OR10A2: variants seen among roughly 807,000 people sequenced by gnomAD.
OR10A2 encodes the protein olfactory receptor 10A2.
Under a neutral mutation model 13.7 loss-of-function variants are expected in OR10A2, and 15 were observed. The observed-to-expected ratio is 1.10, with a 90% CI of 0.73 to 1.69. The LOEUF (loss-of-function observed/expected upper bound fraction) is 1.69, where lower values mean the gene tolerates loss of function less well. OR10A2 is among the 40% of genes most tolerant of loss of function. The probability of loss-of-function intolerance (pLI) is 0.00; values close to 1 mark genes in which losing one functional copy is unlikely to be tolerated. For missense variants in OR10A2, 343 were observed against 361.1 expected (o/e 0.95, Z 0.41); for synonymous variants, 145 against 144.7 (o/e 1.00, Z -0.02).
chr11:6,869,474 G>C, intron 1 of OR10A2, 149 bp from the exon 2 acceptor site: 1 of 439,978 alleles, frequency 2.3e-6, no homozygotes, highest in Non-Finnish European at 4.1e-6. Context: ...AATAACTTAA[G>C]GTGTGAACAG....
chr11:6,868,649 C>T (rs112137650), intron 1 of OR10A2, among the ~76,000 whole-genome samples: 192 of 150,640 alleles, frequency 1.3e-3, no homozygotes, highest in African/African-American at 4.4e-3. Flanking sequence ...TTTACTGTTC[C>T]TAATAAAGTT....
At chr11:6,865,828 C>T (rs1305195728) in intron 1 of OR10A2, among the ~76,000 whole-genome samples, 3 of 152,098 alleles carry the variant, frequency 2.0e-5, no homozygotes, top group African/African-American at 7.2e-5. Context: ...AAAGTATTTG[C>T]AAACATCCAA....
chr11:6,864,755 C>T (rs962637571), intron 1 of OR10A2, among the ~76,000 whole-genome samples: 2 of 151,838 alleles, frequency 1.3e-5, no homozygotes, highest in African/African-American at 4.8e-5. Flanking sequence ...AGCAGTGAAG[C>T]AGAAGAAGGA....
In OR10A2 at chr11:6,869,901, C is replaced by T. The variant is rs748286728; in HGVS notation, c.147C>T (p.Phe49=). The part of the protein sequence containing the change: ...DPMLHSPMYF[F]LRNLSFLEIG... ...TGCTACACAGCCCCATGTACTTCTT[C>T]CTCAGAAACTTATCTTTCCTGGAGA... Residue 49 remains phenylalanine, a synonymous_variant, in exon 2 of 2, where the codon TTC becomes TTT. Transcript: ENST00000641461. 4.3e-6 allele frequency: 7 copies of T among 1,614,062 alleles called. No homozygotes were observed. Among genetic ancestry groups the T allele is most frequent in the Middle Eastern group, 1.6e-4 (1 of 6,084 alleles).
rs182016774 is a variant in OR10A2 at position 6,870,265 on chromosome 11, G to T, written c.511G>T (p.Val171Leu). Residue 171 changes from valine to leucine, a missense_variant, in exon 2 of 2, where the codon GTG (valine) becomes TTG (leucine). Val to Leu is a conservative substitution (Grantham distance 32, BLOSUM62 1). Coordinates refer to ENST00000641461, the MANE Select transcript of OR10A2 (RefSeq NM_001004460.2). ...CCACTTCTTCTGTGACAGCCCACCT[G>T]TGCTGAGGCTGGTCTGTGCAGACAC... ...VNHFFCDSPP[V>L]LRLVCADTAL... is the part of the protein sequence containing the mutation. 5.0e-6 allele frequency: 8 copies of T among 1,614,088 alleles called. No homozygotes were observed. Among genetic ancestry groups the T allele is most frequent in the Admixed American group, 3.3e-5 (2 of 60,006 alleles).
In OR10A2 at chr11:6,870,725, A is replaced by T; in HGVS notation, c.*59A>T. 7.5e-7 allele frequency: 1 copy of T among 1,326,154 alleles called. No homozygotes were observed. The highest frequency in any genetic ancestry group is 1.0e-6 in the Non-Finnish European group (1 of 962,688). The allele number at this position is 1,326,154 out of a possible 1,614,324, so 82.1% of individuals were successfully genotyped here. On this transcript the variant is annotated 3_prime_UTR_variant, in exon 2 of 2. Transcript: ENST00000641461. The stretch of plus-strand genomic sequence containing the variant: ...AGAAACAATCAGTCCCAGATTTGAG[A>T]TTCCTCTCTGCATCTTTCCACATCT...
Position 6,869,897 on chromosome 11 carries a change from T to C in OR10A2, c.143T>C (p.Phe48Ser). Residue 48 changes from phenylalanine (F) to serine (S), a missense_variant, in exon 2 of 2, where the codon TTC becomes TCC. Coordinates refer to ENST00000641461, the MANE Select transcript of OR10A2 (RefSeq NM_001004460.2). ...ADPMLHSPMYFFLRNLSFLEI... is the reference protein window; with the variant it reads ...ADPMLHSPMYSFLRNLSFLEI... ...CCCATGCTACACAGCCCCATGTACT[T>C]CTTCCTCAGAAACTTATCTTTCCTG... The C allele has an allele frequency of 2.5e-6, 4 of 1,614,182 alleles. No homozygotes were observed. Among genetic ancestry groups the C allele is most frequent in the Non-Finnish European group, 3.4e-6 (4 of 1,180,022 alleles).
rs566405897 is a variant in OR10A2, at chr11:6,870,136, C to T, written c.382C>T (p.Arg128Cys). Residue 128 changes from arginine to cysteine, a missense_variant, in exon 2 of 2, where the codon CGT becomes TGT. Transcript: ENST00000641461. ...CCCAGTCATCATGAACCAAAGGACT[C>T]GTGCCAAACTGGCTGCTGCCTCCTG... ...HYPVIMNQRT[R>C]AKLAAASWFP... 50 of 1,614,220 alleles carry T rather than the reference C, an allele frequency of 3.1e-5. No homozygotes were observed. Among genetic ancestry groups the T allele is most frequent in the Non-Finnish European group, 4.1e-5 (48 of 1,180,042 alleles).
chr11:6,868,630 G>T (rs1848398636), intron 1 of OR10A2, among the ~76,000 whole-genome samples: 1 of 152,110 alleles, frequency 6.6e-6, no homozygotes, highest in Non-Finnish European at 1.5e-5. Flanking sequence ...CTTTGTGTCA[G>T]TTCTGGTTTT....
chr11:6,863,736 A>G (rs1321782777), intron 1 of OR10A2, among the ~76,000 whole-genome samples: 2 of 152,148 alleles, frequency 1.3e-5, no homozygotes, highest in East Asian at 1.9e-4. Flanking sequence ...TATGAGATGG[A>G]GAACATCAGG....
chr11:6,868,189 G>A (rs1363927317), intron 1 of OR10A2, among the ~76,000 whole-genome samples: 1 of 152,168 alleles, frequency 6.6e-6, no homozygotes, highest in African/African-American at 2.4e-5. Flanking sequence ...GCATTTCTGA[G>A]AAATCTTAGA....
chr11:6,870,420 T>C lies in OR10A2; in HGVS notation c.666T>C (p.Asn222=). ...AGATCCCATCAGCTAAAGGGAAGAATAAAGCCTTTTCTACATGTTCCTCAC... is the reference window on the plus strand; with the variant it reads ...AGATCCCATCAGCTAAAGGGAAGAACAAAGCCTTTTCTACATGTTCCTCAC... ...ILKIPSAKGK[N]KAFSTCSSHL... Residue 222 remains asparagine, a synonymous_variant, in exon 2 of 2, where the codon AAT becomes AAC. Coordinates refer to ENST00000641461, the MANE Select transcript of OR10A2 (RefSeq NM_001004460.2). The C allele has an allele frequency of 1.9e-6, 3 of 1,614,218 alleles. No individual in the cohort carries two copies. The highest frequency in any genetic ancestry group is 1.1e-5 in the South Asian group (1 of 91,090).
intron 1 of OR10A2, among the ~76,000 whole-genome samples, chr11:6,867,629 T>C (rs916462988): frequency 3.3e-5 from 5 of 152,252 alleles, no homozygotes; most frequent in Admixed American, 1.3e-4. Context: ...TTTGATATCT[T>C]GAATTTCATC....
Position 6,870,368 on chromosome 11 carries a change from A to G in OR10A2, c.614A>G (p.Tyr205Cys). The change falls in exon 2 of 2, where the codon TAT (tyrosine) becomes TGT (cysteine). Residue 205 changes from tyrosine (Y) to cysteine (C), a missense_variant. Transcript: ENST00000641461. ...MIPCLLILCS[Y>C]THIAAAILKI... ...CCCTGCTTGCTGATCTTGTGTTCCTATACTCACATTGCTGCTGCCATCCTC... is the reference window on the plus strand; with the variant it reads ...CCCTGCTTGCTGATCTTGTGTTCCTGTACTCACATTGCTGCTGCCATCCTC... 3 of 1,614,160 alleles carry G rather than the reference A, an allele frequency of 1.9e-6. No homozygotes were observed. Among genetic ancestry groups the G allele is most frequent in the Non-Finnish European group, 2.5e-6 (3 of 1,180,036 alleles).
rs191942319 is a variant in OR10A2 at position 6,870,204 on chromosome 11, C to T, written c.450C>T (p.Leu150=). ...TAGCTACTGTGCAGACCACATGGCT[C>T]TTCAGTTTTCCATTCTGTGGCACCA... is the stretch of plus-strand genomic sequence containing the variant. ...FPVATVQTTW[L]FSFPFCGTNK... Residue 150 remains leucine (L), a synonymous_variant, in exon 2 of 2, where the codon CTC becomes CTT. Coordinates refer to ENST00000641461, the MANE Select transcript of OR10A2 (RefSeq NM_001004460.2). The T allele has an allele frequency of 1.9e-5, 30 of 1,614,200 alleles. No homozygotes were observed. The highest frequency in any genetic ancestry group is 1.6e-4 in the Middle Eastern group (1 of 6,062).
Position 6,871,106 on chromosome 11 carries a change from C to T in OR10A2, c.*440C>T, listed in dbSNP as rs771766626. The T allele has an allele frequency of 9.8e-5, 15 of 153,410 alleles. No homozygotes were observed. The highest frequency in any genetic ancestry group is 1.6e-4 in the Non-Finnish European group (11 of 68,894). The allele number at this position is 153,410 out of a possible 1,614,324, so 9.5% of individuals were successfully genotyped here. Reference sequence around the variant, plus strand: ...GACTACAGGTGCCCGCCACCATGCCCGGCTAATTTTTTGTATTTTTTTAGT... The same window carrying T: ...GACTACAGGTGCCCGCCACCATGCCTGGCTAATTTTTTGTATTTTTTTAGT... On this transcript the variant is annotated 3_prime_UTR_variant, in exon 2 of 2. Coordinates refer to ENST00000641461, the MANE Select transcript of OR10A2 (RefSeq NM_001004460.2).
intron 1 of OR10A2, among the ~76,000 whole-genome samples, chr11:6,867,630 G>C (rs1848389750): frequency 6.6e-6 from 1 of 152,058 alleles, no homozygotes; most frequent in Non-Finnish European, 1.5e-5. Flanking sequence ...TTGATATCTT[G>C]AATTTCATCT....
intron 1 of OR10A2, among the ~76,000 whole-genome samples, chr11:6,867,829 A>G (rs567600367): frequency 2.5e-4 from 38 of 152,230 alleles, no homozygotes; most frequent in Non-Finnish European, 4.6e-4. Context: ...AGCTCAATGT[A>G]GCCTCAACCT....
At position 6,872,435 on chromosome 11, in the gene OR10A2, C is replaced by G. The variant is rs1416341280; in HGVS notation, c.*1769C>G. On this transcript the variant is annotated 3_prime_UTR_variant, in exon 2 of 2. Transcript: ENST00000641461. The stretch of plus-strand genomic sequence containing the variant: ...TTATTTTTACATGTTTGTCTTCCTC[C>G]AACTTTTCTGTAACTCTTCAAAAAT... 2 of 152,128 alleles carry G rather than the reference C, an allele frequency of 1.3e-5. No individual in the cohort carries two copies. The highest frequency in any genetic ancestry group is 4.1e-4 in the South Asian group (2 of 4,820). 9.4% of individuals were successfully genotyped at this position (152,128 alleles called of 1,614,324 possible).
Sources: gnomAD v4.1 joint callset for allele counts (sites outside exome capture counted in the v4.1 genomes callset) on GRCh38, gnomAD v4.1.1 for gene constraint, MANE v1.5 for transcripts, NCBI Gene and HGNC (gene_info 2026-07-23, HGNC 2026-07-21) for gene names.